Variants in ZNF721 observed in about 807,000 individuals in gnomAD.
The protein encoded by ZNF721 is zinc finger protein 721.
In ZNF721, 2 loss-of-function variants were observed where a neutral mutation model predicts 2.4. That is an observed-to-expected ratio of 0.82 (90% CI 0.34 to 2.58). The LOEUF (loss-of-function observed/expected upper bound fraction) is 2.58. Among genes scored for constraint, ZNF721 ranks in the 30% most tolerant of loss-of-function variants. The pLI is 0.11. For synonymous variants in ZNF721, 398 were observed against 381.8 expected (o/e 1.04, Z -0.50); for missense variants, 1,187 against 1,085.5 (o/e 1.09, Z -1.31).
At chr4:491,198 C>T (rs781970162) in intron 1 of ZNF721, among the ~76,000 whole-genome samples, 80 of 152,234 alleles carry the variant, frequency 5.3e-4, no homozygotes, top group Middle Eastern at 3.4e-3. Context: ...GAGGCCAAGG[C>T]GGGTAGATCA....
At chr4:487,259 G>A (rs1310338668) in intron 1 of ZNF721, among the ~76,000 whole-genome samples, 1 of 152,178 alleles carries the variant, frequency 6.6e-6, no homozygotes, top group Non-Finnish European at 1.5e-5. Context: ...TTGGGGCCCA[G>A]GTTTAAAGTT....
chr4:469,887 T>C (rs1382399856), intron 2 of ZNF721, among the ~76,000 whole-genome samples: 2 of 152,044 alleles, frequency 1.3e-5, no homozygotes, highest in African/African-American at 4.8e-5. Flanking sequence ...AGAATAAAAG[T>C]AGAACTTTTT....
intron 1 of ZNF721, among the ~76,000 whole-genome samples, chr4:496,762 G>C (rs1716166262): frequency 7.0e-6 from 1 of 142,376 alleles, no homozygotes; most frequent in Admixed American, 7.2e-5. Context: ...GCCCAGGTTG[G>C]AGTGCAGTGG....
At position 455,462 on chromosome 4, in the gene ZNF721, G is replaced by T. The variant is rs910339490; in HGVS notation, c.35-11030C>A. On this transcript the variant is annotated intron_variant, in intron 2 of 2. Coordinates refer to ENST00000511833, the MANE Select transcript of ZNF721 (RefSeq NM_133474.4). ...CACACCTGTGGTCCCAGCTACTTGGGAGGCTGAGGCAGGAGAATCGTTTGA... is the reference window on the plus strand; with the variant it reads ...CACACCTGTGGTCCCAGCTACTTGGTAGGCTGAGGCAGGAGAATCGTTTGA... Among the ~76,000 whole-genome samples the T allele has an allele frequency of 2.6e-5, 4 of 152,152 alleles. No homozygotes were observed. The East Asian group carries it at 7.7e-4, about 29-fold the overall frequency.
At position 444,136 on chromosome 4, in the gene ZNF721, A is replaced by AT. The variant is rs782512122; in HGVS notation, c.330dup (p.Cys111MetfsTer2). ...TGAAATGACTTGCCACATTCGTTAC[A>AT]TTTAAAGTGTTTCTCTCCAGTATGT... On this transcript the variant is annotated frameshift_variant, in exon 3 of 3. Coordinates refer to ENST00000511833, the MANE Select transcript of ZNF721 (RefSeq NM_133474.4). LOFTEE classifies it low-confidence loss of function (END_TRUNC). 6.2e-7 allele frequency: 1 copy of AT among 1,614,142 alleles called. No individual in the cohort carries two copies. Among genetic ancestry groups the AT allele is most frequent in the African/African-American group, 1.3e-5 (1 of 75,058 alleles).
rs782104416 is a variant in ZNF721, at chr4:472,599, T to C, written c.10A>G (p.Asn4Asp). 2.7e-5 allele frequency: 44 copies of C among 1,613,688 alleles called. No individual in the cohort carries two copies. In the East Asian group the frequency reaches 9.8e-4, roughly 36 times the overall value. The change falls in exon 2 of 3, where the codon AAC (asparagine) becomes GAC (aspartate). Residue 4 changes from asparagine to aspartate, a missense_variant. By Grantham distance (23) the Asn-to-Asp change is conservative. Transcript: ENST00000511833. MLE[N>D]YRNLVSLAMC... ...CCTAGGGAGACCAGGTTTCTGTAGT[T>C]CTCCAACATCACATCTCTATACAAA...
intron 1 of ZNF721, among the ~76,000 whole-genome samples, chr4:490,054 T>C (rs2108723426): frequency 6.6e-6 from 1 of 151,954 alleles, no homozygotes; most frequent in East Asian, 2.0e-4. Flanking sequence ...GAGATGAGGT[T>C]TCACCATGTT....
chr4:445,271 A>C (rs995715536), intron 2 of ZNF721, among the ~76,000 whole-genome samples: 8 of 152,168 alleles, frequency 5.3e-5, no homozygotes, highest in Non-Finnish European at 1.0e-4. Flanking sequence ...GGAGTGAGCC[A>C]CCATGCCTGG....
chr4:469,064 T>A (rs1348403312), intron 2 of ZNF721, among the ~76,000 whole-genome samples: 25 of 152,146 alleles, frequency 1.6e-4, no homozygotes, highest in African/African-American at 5.8e-4. Flanking sequence ...CATTAAGGTA[T>A]CAGGATACAT....
chr4:495,274 C>CA, intron 1 of ZNF721, among the ~76,000 whole-genome samples: 1 of 92,866 alleles, frequency 1.1e-5, no homozygotes, highest in East Asian at 3.3e-4. Flanking sequence ...CTATTTTAGT[C>CA]AAAAAATCAG....
At chr4:486,253 G>T (rs1553870338) in intron 1 of ZNF721, among the ~76,000 whole-genome samples, 1 of 151,576 alleles carries the variant, frequency 6.6e-6, no homozygotes, top group Non-Finnish European at 1.5e-5. Flanking sequence ...CTGCCTCCTG[G>T]GTTCACGTGA....
At position 444,258 on chromosome 4, in the gene ZNF721, T is replaced by C; in HGVS notation, c.209A>G (p.Asn70Ser). Reference protein sequence around the residue: ...KVQKGVYNGINKCLSNTQSKI... With the variant: ...KVQKGVYNGISKCLSNTQSKI... ...GCTCTGAGTATTTGACAAGCATTTA[T>C]TAATTCCATTATAAACTCCCTTCTG... Residue 70 changes from asparagine (N) to serine (S), a missense_variant, in exon 3 of 3, where the codon AAT becomes AGT. Transcript: ENST00000511833. 1 of 1,613,872 alleles carries C rather than the reference T, an allele frequency of 6.2e-7. No individual in the cohort carries two copies.
At chr4:482,179 T>C (rs1715787437) in intron 1 of ZNF721, among the ~76,000 whole-genome samples, 1 of 152,212 alleles carries the variant, frequency 6.6e-6, no homozygotes, top group Non-Finnish European at 1.5e-5. Context: ...TTTTCCTTTT[T>C]TGAAATGGAG....
intron 2 of ZNF721, among the ~76,000 whole-genome samples, chr4:455,676 A>G (rs1714823756): frequency 6.6e-6 from 1 of 152,170 alleles, no homozygotes; most frequent in Admixed American, 6.5e-5. Flanking sequence ...TATAAAAATC[A>G]GTCAAAATTA....
intron 1 of ZNF721, among the ~76,000 whole-genome samples, chr4:498,814 T>C (rs1221594113): frequency 6.8e-6 from 1 of 147,596 alleles, no homozygotes; most frequent in African/African-American, 2.5e-5. Context: ...AACCTCCGCC[T>C]CCCAGGTTCA....
At position 487,578 on chromosome 4, in the gene ZNF721, T is replaced by A. The variant is rs578021029; in HGVS notation, c.-94+11478A>T. Among the ~76,000 whole-genome samples, 286 of 152,304 alleles carry A rather than the reference T, an allele frequency of 1.9e-3. 1 individual carries two copies. The highest frequency in any genetic ancestry group is 6.8e-3 in the Middle Eastern group (2 of 294). ...ATAGCTTAGTAATATATACACCCAT[T>A]AAAGACAGGATTCCAGGATTCCAGG... On this transcript the variant is annotated intron_variant, in intron 1 of 2. Transcript: ENST00000511833.
In ZNF721 at chr4:480,830, G is replaced by T. The variant is rs552659015; in HGVS notation, c.-93-8129C>A. ...AGTAGCTTTCACCTTTTGTGGGGGG[G>T]GGGGGAATGCTGTTATACACATGTG... On this transcript the variant is annotated intron_variant, in intron 1 of 2. Coordinates refer to ENST00000511833, the MANE Select transcript of ZNF721 (RefSeq NM_133474.4). Among the ~76,000 whole-genome samples the T allele has an allele frequency of 4.9e-4, 69 of 141,424 alleles. 4 individuals carry two copies. The South Asian group carries it at 0.01, about 21-fold the overall frequency. 92.8% of individuals were successfully genotyped at this position (141,424 alleles called of 152,430 possible).
intron 2 of ZNF721, among the ~76,000 whole-genome samples, chr4:453,139 T>G (rs150260941): frequency 1.3e-5 from 2 of 152,322 alleles, no homozygotes; most frequent in East Asian, 3.9e-4. Flanking sequence ...TAGAAGGCCG[T>G]GGCTTACAGT....
intron 2 of ZNF721, among the ~76,000 whole-genome samples, chr4:444,979 C>CTTT (rs569762644): frequency 2.2e-4 from 24 of 108,728 alleles, no homozygotes; most frequent in East Asian, 1.2e-3. Context: ...TGATGAGAGA[C>CTTT]TTTTTTTTTT....
Sources: allele counts gnomAD v4.1 joint callset (sites outside exome capture counted in the v4.1 genomes callset), GRCh38; gene constraint gnomAD v4.1.1; transcripts MANE v1.5; gene names NCBI Gene and HGNC (gene_info 2026-07-23, HGNC 2026-07-21).